LITAF: variants seen among roughly 807,000 people sequenced by gnomAD.
The protein encoded by LITAF is lipopolysaccharide induced TNF factor, also known as lipopolysaccharide-induced tumor necrosis factor-alpha factor.
Under a neutral mutation model 14.5 loss-of-function variants are expected in LITAF, and 9 were observed. The observed-to-expected ratio is 0.62, with a 90% confidence interval of 0.37 to 1.08. The LOEUF (loss-of-function observed/expected upper bound fraction) is 1.08. LITAF is among the 50% of genes least tolerant of loss of function. LITAF has a pLI of 0.01. For synonymous variants in LITAF, 98 were observed against 88.2 expected (o/e 1.11, Z -0.62); for missense variants, 206 against 213.4 (o/e 0.97, Z 0.22).
chr16:11,631,516 G>A (rs962498073), intron 3 of LITAF, among the ~76,000 whole-genome samples: 2 of 152,200 alleles, frequency 1.3e-5, no homozygotes, highest in Admixed American at 6.5e-5. Flanking sequence ...AGCCTTCTAA[G>A]TAGCCAGGAC....
At chr16:11,581,611 C>T (rs769257125) in intron 1 of LITAF, among the ~76,000 whole-genome samples, 6 of 151,774 alleles carry the variant, frequency 4.0e-5, no homozygotes, top group Non-Finnish European at 7.4e-5. Context: ...AGAACAAGGC[C>T]CTATCTCAAA....
intron 1 of LITAF, among the ~76,000 whole-genome samples, chr16:11,568,686 T>G (rs1487672782): frequency 2.7e-5 from 4 of 149,500 alleles, no homozygotes; most frequent in Admixed American, 6.6e-5. Flanking sequence ...TTTTTTTGTT[T>G]TTTTTTTTTT....
upstream of LITAF, among the ~76,000 whole-genome samples, chr16:11,638,701 C>CAAAAAA (rs57170972): frequency 6.7e-4 from 51 of 75,950 alleles, 1 homozygote; most frequent in East Asian, 1.3e-3. Flanking sequence ...GACTCTGTCT[C>CAAAAAA]AAAAAAAAAA....
At chr16:11,568,977 G>T (rs2064500538) in intron 1 of LITAF, among the ~76,000 whole-genome samples, 1 of 152,098 alleles carries the variant, frequency 6.6e-6, no homozygotes, top group African/African-American at 2.4e-5. Flanking sequence ...ACTGTGTTCA[G>T]CCTGACACCA....
intron 3 of LITAF, among the ~76,000 whole-genome samples, chr16:11,630,570 CTTTTTTT>C (rs66732953): frequency 3.5e-5 from 4 of 114,246 alleles, no homozygotes; most frequent in African/African-American, 1.4e-4. Context: ...CCCTGGCCAA[CTTTTTTT>C]TTTTTTTTTT....
At chr16:11,629,811 G>A (rs981149266) in intron 3 of LITAF, among the ~76,000 whole-genome samples, 18 of 152,194 alleles carry the variant, frequency 1.2e-4, no homozygotes, top group African/African-American at 3.9e-4. Flanking sequence ...CCAGGGGCGC[G>A]CAGCTCATGG....
chr16:11,633,181 C>T (rs918033588), intron 3 of LITAF, among the ~76,000 whole-genome samples: 17 of 152,314 alleles, frequency 1.1e-4, no homozygotes, highest in Admixed American at 7.2e-4. Flanking sequence ...CCCATCCACA[C>T]GGACCTGGGG....
chr16:11,580,731 C>T (rs1252892689), intron 1 of LITAF, among the ~76,000 whole-genome samples: 3 of 152,186 alleles, frequency 2.0e-5, no homozygotes, highest in Non-Finnish European at 4.4e-5. Context: ...TATAACCTAT[C>T]ACCACCTGCC....
At chr16:11,550,658 C>T (rs1037099903) in intron 3 of LITAF, among the ~76,000 whole-genome samples, 4 of 151,970 alleles carry the variant, frequency 2.6e-5, no homozygotes, top group South Asian at 2.1e-4. Flanking sequence ...CTTTTTGTTG[C>T]TGTGTTTTGT....
chr16:11,555,921 C>G (rs2064260949), intron 2 of LITAF, among the ~76,000 whole-genome samples: 1 of 152,074 alleles, frequency 6.6e-6, no homozygotes, highest in Non-Finnish European at 1.5e-5. Context: ...TTATGTGAAC[C>G]CAGGCAGTCT....
intron 1 of LITAF, among the ~76,000 whole-genome samples, chr16:11,565,385 G>A (rs1055275213): frequency 2.4e-5 from 3 of 124,584 alleles, no homozygotes; most frequent in African/African-American, 3.1e-5. Flanking sequence ...GCCTGGCCTT[G>A]AATTACTCAC....
intron 1 of LITAF, among the ~76,000 whole-genome samples, chr16:11,567,115 T>G (rs1271765102): frequency 2.6e-5 from 4 of 152,004 alleles, no homozygotes; most frequent in Non-Finnish European, 2.9e-5. Context: ...GGAGATCAAG[T>G]CGGGATAAAA....
intron 1 of LITAF, among the ~76,000 whole-genome samples, chr16:11,576,981 G>A (rs2064646834): frequency 6.6e-6 from 1 of 152,182 alleles, no homozygotes. Flanking sequence ...GAACAGGGTG[G>A]TGGTGGACAT....
intron 3 of LITAF, among the ~76,000 whole-genome samples, chr16:11,616,706 A>C (rs1168901700): frequency 6.6e-6 from 1 of 151,916 alleles, no homozygotes; most frequent in East Asian, 1.9e-4. Flanking sequence ...TAAACATCAA[A>C]AGATGCCCGG....
intron 3 of LITAF, among the ~76,000 whole-genome samples, chr16:11,610,006 T>A (rs1052568232): frequency 6.6e-6 from 1 of 152,168 alleles, no homozygotes; most frequent in Non-Finnish European, 1.5e-5. Flanking sequence ...TTGCAAAGGA[T>A]TCCCTATGGC....
chr16:11,606,358 G>A (rs1156990907), intron 3 of LITAF, among the ~76,000 whole-genome samples: 2 of 151,286 alleles, frequency 1.3e-5, no homozygotes, highest in Non-Finnish European at 2.9e-5. Flanking sequence ...TTGTAGAGAC[G>A]AGGTTTTGCC....
chr16:11,597,074 A>G (rs543990068), intron 1 of LITAF, among the ~76,000 whole-genome samples: 1 of 152,296 alleles, frequency 6.6e-6, no homozygotes, highest in South Asian at 2.1e-4. Flanking sequence ...TGAAGTTGTC[A>G]GGCAGCTTTC....
At chr16:11,599,165 C>T (rs11642869), upstream of LITAF, among the ~76,000 whole-genome samples, 84,435 of 150,944 alleles carry the variant, frequency 0.56, 23,593 homozygotes, top group Middle Eastern at 0.58. Context: ...GTCACCCAGG[C>T]TAAAGTGCAG....
intron 1 of LITAF, among the ~76,000 whole-genome samples, chr16:11,582,221 T>C (rs892697897): frequency 1.3e-5 from 2 of 151,752 alleles, no homozygotes; most frequent in Non-Finnish European, 1.5e-5. Context: ...ATGATTATTA[T>C]GTGTCAACTA....
Sources: allele counts gnomAD v4.1 joint callset (sites outside exome capture counted in the v4.1 genomes callset), GRCh38; gene constraint gnomAD v4.1.1; transcripts MANE v1.5; gene names NCBI Gene and HGNC (gene_info 2026-07-23, HGNC 2026-07-21).